FANCI: variants seen among roughly 807,000 people sequenced by gnomAD.
FANCI encodes FA complementation group I.
FANCI carries 156 observed loss-of-function variants against 176.1 expected under a neutral mutation model. The ratio of observed to expected loss-of-function variants is 0.89; its 90% CI spans 0.78 to 1.01. FANCI has a LOEUF of 1.01. FANCI is among the 50% of genes least tolerant of loss of function. The pLI, the probability that FANCI is intolerant of heterozygous loss-of-function variation, is 0.00. For synonymous variants in FANCI, 613 were observed against 541.7 expected (o/e 1.13, Z -1.83); for missense variants, 1,678 against 1,534.1 (o/e 1.09, Z -1.57).
Position 89,285,174 on chromosome 15 carries a change from A to T in FANCI, c.1777A>T (p.Arg593Ter). 6.2e-7 allele frequency: 1 copy of T among 1,614,184 alleles called. No homozygotes were observed. Residue 593 changes from arginine (R) to a stop codon, truncating the protein, a stop_gained, in exon 18 of 38, where the codon AGA (arginine) becomes TGA (stop). Transcript: ENST00000310775. LOFTEE classifies it high-confidence loss of function. ...FCLEIMDSLR[R>*]CLSQQADVRL... ...CCTTGAGATCATGGATAGTTTGAGG[A>T]GATGCTTAAGCCAGCAAGCTGATGT...
chr15:89,305,926 A>G, intron 31 of FANCI, 81 bp from the exon 32 acceptor site: 1 of 1,408,134 alleles, frequency 7.1e-7, no homozygotes, highest in Non-Finnish European at 1.0e-6. Flanking sequence ...TCTAGTTAGT[A>G]GTAATCAATT....
In FANCI at chr15:89,268,493, G is replaced by A. The variant is rs368711186; in HGVS notation, c.850G>A (p.Glu284Lys). 9.3e-6 allele frequency: 15 copies of A among 1,614,170 alleles called. No individual in the cohort carries two copies. In the African/African-American group the frequency reaches 1.9e-4, roughly 20 times the overall value. The part of the protein sequence containing the change: ...HIVFAIKLDY[E>K]LGRELVKHLK... The stretch of plus-strand genomic sequence containing the variant: ...TGTGTTTGCCATCAAATTGGACTAT[G>A]AACTAGGCAGAGAACTCGTGAAACA... The change falls in exon 10 of 38, where the codon GAA becomes AAA. Residue 284 changes from glutamate (E) to lysine (K), a missense_variant. Glu to Lys is a moderately conservative substitution (Grantham distance 56). Transcript: ENST00000310775.
chr15:89,296,397 T>C (rs2054273720), intron 24 of FANCI, among the ~76,000 whole-genome samples: 1 of 149,454 alleles, frequency 6.7e-6, no homozygotes, highest in Middle Eastern at 3.4e-3. Context: ...CCTGAGCCAC[T>C]GTGGCTTTTG....
rs372441627 is a variant in FANCI at position 89,285,093 on chromosome 15, C to G, written c.1699-3C>G. 44 of 1,613,880 alleles carry G rather than the reference C, an allele frequency of 2.7e-5. No homozygotes were observed. The African/African-American group carries it at 5.2e-4, about 19-fold the overall frequency. ...GACGTGAATTGGCCTGTCTTCCTTTCAGGTTCATGTGGATGTTCACAGCCA... is the reference window on the plus strand; with the variant it reads ...GACGTGAATTGGCCTGTCTTCCTTTGAGGTTCATGTGGATGTTCACAGCCA... On this transcript the variant is annotated splice_region_variant and splice_polypyrimidine_tract_variant and intron_variant, in intron 17 of 37. Coordinates refer to ENST00000310775, the MANE Select transcript of FANCI (RefSeq NM_001113378.2).
At chr15:89,256,487 G>T (rs910401225) in intron 2 of FANCI, among the ~76,000 whole-genome samples, 1 of 152,198 alleles carries the variant, frequency 6.6e-6, no homozygotes, top group Non-Finnish European at 1.5e-5. Context: ...AGAGTTTATT[G>T]TTTTATTAGT....
chr15:89,282,866 T>G, intron 16 of FANCI: 1 of 446,186 alleles, frequency 2.2e-6, no homozygotes, highest in East Asian at 4.5e-5. Context: ...CTCAGCAGTC[T>G]TCTTATTCCT....
rs2054615542 is a variant in FANCI at position 89,303,891 on chromosome 15, A to G, written c.3034A>G (p.Lys1012Glu). Residue 1012 changes from lysine (K) to glutamate (E), a missense_variant, in exon 28 of 38, where the codon AAG becomes GAG. Coordinates refer to ENST00000310775, the MANE Select transcript of FANCI (RefSeq NM_001113378.2). ...QFVQMLSWTS[K>E]ICKENSREDA... ...TGTGCAGATGTTATCCTGGACATCA[A>G]AGATTTGCAAGGAAAACAGCCGGGG... The G allele has an allele frequency of 1.2e-6, 2 of 1,614,014 alleles. No homozygotes were observed. The highest frequency in any genetic ancestry group is 1.3e-5 in the African/African-American group (1 of 74,940).
At chr15:89,287,372 C>T (rs1053910293) in intron 18 of FANCI, among the ~76,000 whole-genome samples, 1 of 152,218 alleles carries the variant, frequency 6.6e-6, no homozygotes, top group Non-Finnish European at 1.5e-5. Context: ...TCATCTCTTT[C>T]AGGCTTTATA....
At chr15:89,315,504 G>T (rs1187537266) in intron 37 of FANCI, 115 bp downstream of exon 37, 2 of 745,542 alleles carry the variant, frequency 2.7e-6, no homozygotes, top group Non-Finnish European at 2.4e-6. Context: ...GCTAAAAGGT[G>T]ATCAGGCAAA....
chr15:89,307,444 G>T (rs1245943853), intron 32 of FANCI, 32 bp from the exon 33 acceptor site: 1 of 1,601,102 alleles, frequency 6.2e-7, no homozygotes, highest in Non-Finnish European at 8.5e-7. Context: ...TCATAGGACA[G>T]TCTACTAAAT....
Position 89,266,624 on chromosome 15 carries a change from T to C in FANCI, c.756-1775T>C, listed in dbSNP as rs145570202. On this transcript the variant is annotated intron_variant, in intron 9 of 37. Transcript: ENST00000310775. ...GATTACAGGCGTGAGCCACTGCACC[T>C]GGCCCAAGCCTGGCTAATTTTAAAA... is the stretch of plus-strand genomic sequence containing the variant. Among the ~76,000 whole-genome samples the C allele has an allele frequency of 2.7e-3, 413 of 151,392 alleles. 8 individuals are homozygous for C. The highest frequency in any genetic ancestry group is 0.015 in the East Asian group (77 of 5,074).
At chr15:89,271,822 GAT>G (rs1567150657) in intron 10 of FANCI, among the ~76,000 whole-genome samples, 1 of 152,222 alleles carries the variant, frequency 6.6e-6, no homozygotes, top group East Asian at 1.9e-4. Flanking sequence ...CCATTGTGTG[GAT>G]ATATATGAGT....
chr15:89,299,926 GT>G lies in FANCI; in HGVS notation c.2765del (p.Phe922SerfsTer46). On this transcript the variant is annotated frameshift_variant, in exon 25 of 38. Transcript: ENST00000310775. LOFTEE classifies it high-confidence loss of function. ...LQKIFSAVQQ[F>X]YQPKIQQFLR... is the part of the protein sequence containing the mutation. ...AGAAAATATTCAGTGCTGTGCAACAGTTCTATCAGCCCAAGATTCAGCAGTT... is the reference window on the plus strand; with the variant it reads ...AGAAAATATTCAGTGCTGTGCAACAGTCTATCAGCCCAAGATTCAGCAGTT... The G allele has an allele frequency of 6.2e-7, 1 of 1,614,110 alleles. No individual in the cohort carries two copies. The highest frequency in any genetic ancestry group is 1.3e-5 in the African/African-American group (1 of 75,042).
At chr15:89,301,516 A>C in intron 27 of FANCI, 74 bp downstream of exon 27, 1 of 1,002,628 alleles carries the variant, frequency 1.0e-6, no homozygotes, top group Admixed American at 1.7e-5. Context: ...AAAAGTGTAT[A>C]TCTAAATGTC....
At chr15:89,283,883 C>T (rs1339107080) in intron 17 of FANCI, among the ~76,000 whole-genome samples, 1 of 151,924 alleles carries the variant, frequency 6.6e-6, no homozygotes, top group South Asian at 2.1e-4. Context: ...CTGCCTCAGC[C>T]TCCCGAGTAG....
At position 89,305,181 on chromosome 15, in the gene FANCI, CT is replaced by C; in HGVS notation, c.3126del (p.Val1043SerfsTer18). On this transcript the variant is annotated frameshift_variant, in exon 29 of 38. Transcript: ENST00000310775. LOFTEE classifies it high-confidence loss of function. ...LFSLHVSYKS[P>X]VILLRDLSQD... ...AGCCTGCATGTTTCGTATAAGAGTC[CT>C]GTCATTCTGCTGCGTGACTTGTCCC... 1 of 1,614,220 alleles carries C rather than the reference CT, an allele frequency of 6.2e-7. No homozygotes were observed. The highest frequency in any genetic ancestry group is 1.1e-5 in the South Asian group (1 of 91,084).
chr15:89,293,064 G>GTAA lies in FANCI; in HGVS notation c.2291+2_2291+4dup. 6.2e-7 allele frequency: 1 copy of GTAA among 1,612,966 alleles called. No homozygotes were observed. Among genetic ancestry groups the GTAA allele is most frequent in the Non-Finnish European group, 8.5e-7 (1 of 1,179,770 alleles). ...ACAATTTCTCCATAAGTAGTTTCAG[G>GTAA]TAAGGTTTTGCTATAACTCCATTTG... On this transcript the variant is annotated splice_donor_variant, in intron 22 of 37. Coordinates refer to ENST00000310775, the MANE Select transcript of FANCI (RefSeq NM_001113378.2). LOFTEE classifies it high-confidence loss of function.
At chr15:89,310,848 G>T (rs915709249) in intron 34 of FANCI, among the ~76,000 whole-genome samples, 7 of 152,234 alleles carry the variant, frequency 4.6e-5, no homozygotes, top group African/African-American at 1.7e-4. Flanking sequence ...TCAAGGGTCG[G>T]ACATGGTGGC....
chr15:89,285,591 C>T (rs2053783345), intron 18 of FANCI, among the ~76,000 whole-genome samples: 1 of 152,204 alleles, frequency 6.6e-6, no homozygotes, highest in African/African-American at 2.4e-5. Flanking sequence ...CCCTCCAACC[C>T]AGGCAACAGT....
Sources: allele counts gnomAD v4.1 joint callset (sites outside exome capture counted in the v4.1 genomes callset), GRCh38; gene constraint gnomAD v4.1.1; transcripts MANE v1.5; gene names NCBI Gene and HGNC (gene_info 2026-07-23, HGNC 2026-07-21).